PATJ: variants seen among roughly 807,000 people sequenced by gnomAD.
PATJ encodes the protein PATJ crumbs cell polarity complex component.
In PATJ, 190 loss-of-function variants were observed where a neutral mutation model predicts 224.9. The observed-to-expected ratio is 0.84, with a 90% CI of 0.75 to 0.95. The LOEUF is 0.95. Among genes scored for constraint, PATJ ranks in the 40% least tolerant of loss-of-function variants. The pLI is 0.00. For missense variants in PATJ, 2,121 were observed against 2,270.3 expected, an observed-to-expected ratio of 0.93 and a Z score of 1.34; for synonymous variants, 769 against 820.3, an observed-to-expected ratio of 0.94 and a Z score of 1.07.
At chr1:61,867,339 T>G (rs1480154821) in intron 20 of PATJ, among the ~76,000 whole-genome samples, 1 of 152,252 alleles carries the variant, frequency 6.6e-6, no homozygotes. Context: ...TAAATCTATG[T>G]TAAATTTCCT....
chr1:62,155,187 G>C (rs1286096518), intron 43 of PATJ, among the ~76,000 whole-genome samples: 1 of 152,184 alleles, frequency 6.6e-6, no homozygotes, highest in East Asian at 1.9e-4. Flanking sequence ...AACACGTTCT[G>C]CTGGCCTGCT....
At chr1:61,750,291 A>G (rs1213607121) in intron 1 of PATJ, among the ~76,000 whole-genome samples, 1 of 152,182 alleles carries the variant, frequency 6.6e-6, no homozygotes, top group Admixed American at 6.5e-5. Flanking sequence ...GATGGCTTTT[A>G]GGCCTGGGTC....
intron 33 of PATJ, among the ~76,000 whole-genome samples, chr1:62,094,560 C>A (rs1289232148): frequency 5.5e-5 from 1 of 18,242 alleles, no homozygotes; most frequent in African/African-American, 2.3e-4. Flanking sequence ...TCTGTCTCAA[C>A]ACACACACAC....
intron 29 of PATJ, among the ~76,000 whole-genome samples, chr1:62,019,070 C>T (rs1485241861): frequency 6.6e-6 from 1 of 152,108 alleles, no homozygotes; most frequent in Admixed American, 6.5e-5. Context: ...TGGCGAAACC[C>T]TGTCTCTACT....
At chr1:62,071,596 C>T (rs1657427097) in intron 31 of PATJ, among the ~76,000 whole-genome samples, 1 of 149,574 alleles carries the variant, frequency 6.7e-6, no homozygotes, top group African/African-American at 2.5e-5. Context: ...CAGGTAAAAG[C>T]AATTCTTCTG....
At chr1:62,020,099 G>T (rs1163858820) in intron 29 of PATJ, among the ~76,000 whole-genome samples, 1 of 152,098 alleles carries the variant, frequency 6.6e-6, no homozygotes, top group Non-Finnish European at 1.5e-5. Flanking sequence ...GAGCCCAGGA[G>T]GTTGAGGCTG....
In PATJ at chr1:61,910,614, A is replaced by G. The variant is rs79114162; in HGVS notation, c.3492+2132A>G. On this transcript the variant is annotated intron_variant, in intron 25 of 43. Transcript: ENST00000642238. ...CCAGGCTGAGTGCAGTGGCACAATC[A>G]TGACTCACTGAAGCCCCGATCTCCT... 1.7e-3 allele frequency among the ~76,000 whole-genome samples: 223 copies of G among 134,644 alleles called. 1 individual carries two copies. The East Asian group carries it at 0.041, about 25-fold the overall frequency. The allele number at this position is 134,644 out of a possible 152,430, so 88.3% of individuals were successfully genotyped here.
chr1:61,950,285 A>G (rs943321733), intron 27 of PATJ, among the ~76,000 whole-genome samples: 4 of 152,202 alleles, frequency 2.6e-5, no homozygotes. Context: ...TGAGAACCTT[A>G]GAGCTCATTT....
chr1:61,904,350 C>G (rs147702880), intron 24 of PATJ, among the ~76,000 whole-genome samples: 3 of 152,254 alleles, frequency 2.0e-5, no homozygotes, highest in African/African-American at 7.2e-5. Flanking sequence ...ACCTTTCACT[C>G]GGTCACCTCC....
intron 21 of PATJ, among the ~76,000 whole-genome samples, chr1:61,877,106 C>G (rs1667438443): frequency 6.6e-6 from 1 of 152,162 alleles, no homozygotes; most frequent in Non-Finnish European, 1.5e-5. Flanking sequence ...CACATGCTTA[C>G]TTGCAGGCCT....
At chr1:61,987,955 A>T (rs1262773907) in intron 27 of PATJ, among the ~76,000 whole-genome samples, 5 of 152,156 alleles carry the variant, frequency 3.3e-5, no homozygotes. Flanking sequence ...TCCCAGCACT[A>T]TAAGAGGCCA....
chr1:61,982,119 C>T (rs1372068836), intron 27 of PATJ, among the ~76,000 whole-genome samples: 2 of 151,846 alleles, frequency 1.3e-5, no homozygotes, highest in Non-Finnish European at 2.9e-5. Context: ...GAAGTGGGGG[C>T]AGGGGGCTTT....
intron 17 of PATJ, among the ~76,000 whole-genome samples, chr1:61,838,542 T>G (rs1444557167): frequency 6.7e-6 from 1 of 148,756 alleles, no homozygotes; most frequent in Admixed American, 6.7e-5. Flanking sequence ...TTTTTTTTTT[T>G]TGTATTTTTA....
At chr1:61,931,080 A>G (rs1482837364) in intron 27 of PATJ, among the ~76,000 whole-genome samples, 4 of 152,108 alleles carry the variant, frequency 2.6e-5, no homozygotes, top group East Asian at 1.9e-4. Context: ...GGCTCAAACT[A>G]TCCTTCCCAA....
intron 41 of PATJ, 108 bp from the exon 42 acceptor site, chr1:62,148,176 G>A: frequency 5.3e-6 from 3 of 567,272 alleles, no homozygotes; most frequent in Non-Finnish European, 1.0e-5. Context: ...AAATGGTCTA[G>A]ATAAATTGAA....
intron 16 of PATJ, among the ~76,000 whole-genome samples, chr1:61,828,243 CAAAAA>C (rs1269784220): frequency 1.1e-5 from 1 of 90,034 alleles, no homozygotes. Flanking sequence ...AACTCCATCT[CAAAAA>C]AAAAAAAAAA....
At chr1:61,778,499 T>C (rs1333622326) in intron 7 of PATJ, among the ~76,000 whole-genome samples, 1 of 152,208 alleles carries the variant, frequency 6.6e-6, no homozygotes, top group Non-Finnish European at 1.5e-5. Context: ...TGGTGTGTTA[T>C]CAAAGAATAG....
intron 24 of PATJ, among the ~76,000 whole-genome samples, chr1:61,906,580 C>T (rs534942488): frequency 5.9e-5 from 9 of 152,356 alleles, no homozygotes; most frequent in South Asian, 4.1e-4. Context: ...TCTATGTCCT[C>T]AGCTTCTCAT....
chr1:61,908,434 A>C lies in PATJ; in HGVS notation c.3444A>C (p.Ala1148=), dbSNP rs776611770. The change falls in exon 25 of 44, where the codon GCA becomes GCC. Residue 1148 remains alanine (A), a synonymous_variant. Transcript: ENST00000642238. ...HSEAVEAIKN[A]GNPVVFIVQS... Reference sequence around the variant, plus strand: ...AAGCAGTTGAGGCCATTAAGAATGCAGGAAACCCTGTGGTGTTCATTGTTC... The same window carrying C: ...AAGCAGTTGAGGCCATTAAGAATGCCGGAAACCCTGTGGTGTTCATTGTTC... The C allele has an allele frequency of 6.2e-7, 1 of 1,614,066 alleles. No individual in the cohort carries two copies. The highest frequency in any genetic ancestry group is 1.3e-5 in the African/African-American group (1 of 75,076).
Sources: gnomAD v4.1 joint callset for allele counts (sites outside exome capture counted in the v4.1 genomes callset) on GRCh38, gnomAD v4.1.1 for gene constraint, MANE v1.5 for transcripts, NCBI Gene and HGNC (gene_info 2026-07-23, HGNC 2026-07-21) for gene names.